LRMDA: variants seen among roughly 807,000 people sequenced by gnomAD.
The protein encoded by LRMDA is leucine rich melanocyte differentiation associated.
LRMDA carries 18 observed loss-of-function variants against 29.8 expected under a neutral mutation model. The ratio of observed to expected loss-of-function variants is 0.60; its 90% CI spans 0.42 to 0.90. The LOEUF is 0.90. LRMDA is among the 40% of genes least tolerant of loss of function. The pLI is 0.00. For missense variants in LRMDA, 273 were observed against 273.9 expected, an observed-to-expected ratio of 1.00 and a Z score of 0.02; for synonymous variants, 125 against 109.4, an observed-to-expected ratio of 1.14 and a Z score of -0.89.
At chr10:76,394,466 C>T (rs1381035874) in intron 6 of LRMDA, among the ~76,000 whole-genome samples, 4 of 152,142 alleles carry the variant, frequency 2.6e-5, no homozygotes, top group East Asian at 3.9e-4. Flanking sequence ...AAAGATTCTT[C>T]ACATGTATCA....
At chr10:75,498,167 C>T (rs555877633) in intron 2 of LRMDA, among the ~76,000 whole-genome samples, 87 of 152,252 alleles carry the variant, frequency 5.7e-4, no homozygotes, top group Admixed American at 5.0e-3. Context: ...ATGACATTTT[C>T]CTTGGTCCCT....
At chr10:75,775,598 C>T (rs952222845) in intron 2 of LRMDA, among the ~76,000 whole-genome samples, 10 of 152,106 alleles carry the variant, frequency 6.6e-5, no homozygotes, top group Admixed American at 4.6e-4. Flanking sequence ...AGTGGTCCCC[C>T]GAACATGTGT....
chr10:76,116,714 T>G (rs1197059432), intron 5 of LRMDA, among the ~76,000 whole-genome samples: 1 of 152,186 alleles, frequency 6.6e-6, no homozygotes, highest in East Asian at 1.9e-4. Context: ...GAGGAGACTA[T>G]GCTCTCAAGG....
intron 6 of LRMDA, among the ~76,000 whole-genome samples, chr10:76,423,570 T>A (rs2132523310): frequency 6.6e-6 from 1 of 152,306 alleles, no homozygotes; most frequent in South Asian, 2.1e-4. Context: ...GATTATTGAT[T>A]AATTGAGTGA....
In LRMDA at chr10:76,097,099, C is replaced by T. The variant is rs181208658; in HGVS notation, c.516+38316C>T. On this transcript the variant is annotated intron_variant, in intron 5 of 6. Transcript: ENST00000611255. The stretch of plus-strand genomic sequence containing the variant: ...GCTCTTGGCTCACTGCAACCTCCGC[C>T]TCCCAGGCTCAAACAATTCTCCTGC... Among the ~76,000 whole-genome samples the T allele has an allele frequency of 7.2e-4, 109 of 152,224 alleles. 1 individual carries two copies. The East Asian group carries it at 0.019, about 26-fold the overall frequency.
chr10:75,491,172 A>G (rs1166142877), intron 2 of LRMDA, among the ~76,000 whole-genome samples: 3 of 152,196 alleles, frequency 2.0e-5, no homozygotes, highest in Non-Finnish European at 4.4e-5. Flanking sequence ...TAGGCATTTT[A>G]TTATGTAGCT....
At chr10:76,094,893 C>T (rs1849290295) in intron 5 of LRMDA, among the ~76,000 whole-genome samples, 1 of 152,130 alleles carries the variant, frequency 6.6e-6, no homozygotes, top group South Asian at 2.1e-4. Flanking sequence ...ATTATTCTTC[C>T]ACTGGCTTTT....
intron 2 of LRMDA, among the ~76,000 whole-genome samples, chr10:75,729,294 A>C (rs143520717): frequency 1.8e-4 from 27 of 152,348 alleles, no homozygotes; most frequent in African/African-American, 6.3e-4. Context: ...GTGTCCACTG[A>C]AATCTGAAGG....
At chr10:75,806,742 T>C (rs1293376605) in intron 2 of LRMDA, among the ~76,000 whole-genome samples, 1 of 150,864 alleles carries the variant, frequency 6.6e-6, no homozygotes, top group African/African-American at 2.4e-5. Flanking sequence ...AGAACATGGT[T>C]GGTTTGCTGT....
At chr10:75,692,219 A>AAAAAAAT (rs1353540469) in intron 2 of LRMDA, among the ~76,000 whole-genome samples, 63 of 87,548 alleles carry the variant, frequency 7.2e-4, no homozygotes, top group African/African-American at 3.2e-3. Context: ...AAAAAAAAAA[A>AAAAAAAT]ATATATATAT....
At chr10:75,471,869 G>A (rs1292703925) in intron 2 of LRMDA, among the ~76,000 whole-genome samples, 1 of 147,258 alleles carries the variant, frequency 6.8e-6, no homozygotes, top group African/African-American at 2.6e-5. Context: ...CCATGTTTGG[G>A]GAATGTGTCT....
intron 6 of LRMDA, among the ~76,000 whole-genome samples, chr10:76,448,074 T>C (rs1010149491): frequency 2.6e-5 from 4 of 152,334 alleles, no homozygotes; most frequent in African/African-American, 7.2e-5. Context: ...AGTAAAAGAA[T>C]AGATGTTCAT....
rs113283567 is a variant in LRMDA, at chr10:76,182,505, G to A, written c.516+123722G>A. Among the ~76,000 whole-genome samples the A allele has an allele frequency of 3.9e-4, 59 of 152,302 alleles. 1 individual carries two copies. The highest frequency in any genetic ancestry group is 1.3e-3 in the African/African-American group (55 of 41,562). ...GCACCAATGAACAGACGATGCTATT[G>A]TAGCTGGACCATCATTGCCGGTGCC... is the stretch of plus-strand genomic sequence containing the variant. On this transcript the variant is annotated intron_variant, in intron 5 of 6. Coordinates refer to ENST00000611255, the MANE Select transcript of LRMDA (RefSeq NM_001305581.2).
chr10:76,458,762 C>T (rs1842483216), intron 6 of LRMDA, among the ~76,000 whole-genome samples: 1 of 152,130 alleles, frequency 6.6e-6, no homozygotes, highest in African/African-American at 2.4e-5. Context: ...ACACTTCTGG[C>T]TACAGTGCAT....
At chr10:76,502,130 T>C (rs1842916496) in intron 6 of LRMDA, among the ~76,000 whole-genome samples, 1 of 152,080 alleles carries the variant, frequency 6.6e-6, no homozygotes, top group African/African-American at 2.4e-5. Context: ...CTTTTCCCAT[T>C]GCCTATTTTT....
chr10:76,098,230 A>G (rs1412881562), intron 5 of LRMDA, among the ~76,000 whole-genome samples: 1 of 152,176 alleles, frequency 6.6e-6, no homozygotes, highest in African/African-American at 2.4e-5. Flanking sequence ...AATTTGTATT[A>G]TTCTCTACTT....
intron 5 of LRMDA, among the ~76,000 whole-genome samples, chr10:76,175,815 G>A (rs1850923633): frequency 6.6e-6 from 1 of 152,152 alleles, no homozygotes; most frequent in Non-Finnish European, 1.5e-5. Flanking sequence ...GTTGGGGTTG[G>A]GCCTTCCTGA....
intron 2 of LRMDA, among the ~76,000 whole-genome samples, chr10:75,559,317 G>A (rs1269742419): frequency 1.3e-3 from 195 of 150,628 alleles, no homozygotes; most frequent in African/African-American, 4.1e-3. Flanking sequence ...TTTTTTGGCT[G>A]CATAAATGTC....
chr10:75,533,930 G>A (rs1177975466), intron 2 of LRMDA, among the ~76,000 whole-genome samples: 1 of 152,162 alleles, frequency 6.6e-6, no homozygotes, highest in Non-Finnish European at 1.5e-5. Flanking sequence ...ACTCTATATT[G>A]CAAGTGACTC....
Sources: allele counts gnomAD v4.1 joint callset (sites outside exome capture counted in the v4.1 genomes callset), GRCh38; gene constraint gnomAD v4.1.1; transcripts MANE v1.5; gene names NCBI Gene and HGNC (gene_info 2026-07-23, HGNC 2026-07-21).